PIK3C2A: variants seen among roughly 807,000 people sequenced by gnomAD.
PIK3C2A encodes phosphatidylinositol 4-phosphate 3-kinase C2 domain-containing subunit alpha.
PIK3C2A carries 97 observed loss-of-function variants against 204.5 expected under a neutral mutation model. The ratio of observed to expected loss-of-function variants is 0.47; its 90% CI spans 0.40 to 0.56. PIK3C2A has a LOEUF of 0.56. Ranked by LOEUF, PIK3C2A falls within the 20% of genes least tolerant of loss-of-function variation. The pLI is 0.00. For synonymous variants in PIK3C2A, 653 were observed against 664.4 expected (o/e 0.98, Z 0.26); for missense variants, 1,735 against 1,969.2 (o/e 0.88, Z 2.25).
intron 1 of PIK3C2A, among the ~76,000 whole-genome samples, chr11:17,206,033 G>GA (rs1591037412): frequency 6.6e-6 from 1 of 152,210 alleles, no homozygotes; most frequent in African/African-American, 2.4e-5. Flanking sequence ...TGAGGCAGGA[G>GA]AATCACTTGA....
chr11:17,193,882 GAAAA>G, intron 1 of PIK3C2A: 1 of 200,130 alleles, frequency 5.0e-6, no homozygotes, highest in Admixed American at 6.7e-5. Context: ...GAAAAGAAAA[GAAAA>G]GAAAAGAAAA....
chr11:17,200,031 C>G (rs1270663042), intron 1 of PIK3C2A, among the ~76,000 whole-genome samples: 2 of 150,604 alleles, frequency 1.3e-5, no homozygotes, highest in Non-Finnish European at 3.0e-5. Flanking sequence ...TACAAAAATA[C>G]AAAAATTAGC....
At chr11:17,105,049 T>C (rs1848764077) in intron 23 of PIK3C2A, 120 bp downstream of exon 23, 1 of 714,558 alleles carries the variant, frequency 1.4e-6, no homozygotes, top group Non-Finnish European at 2.4e-6. Context: ...AAAAAGATGC[T>C]CTTTTCCTGA....
Position 17,092,048 on chromosome 11 carries a change from G to T in PIK3C2A, c.4590C>A (p.Phe1530Leu). ...TCTCATCACGAAGTAAAGGGTGGAA[G>T]AAAGTACAAACAAGATCACACTAAG... is the stretch of plus-strand genomic sequence containing the variant. ...DVAECDLVCT[F>L]FHPLLRDEKA... Residue 1530 changes from phenylalanine to leucine, a missense_variant, in exon 30 of 33, where the codon TTC becomes TTA. Physicochemically the swap from Phe to Leu is conservative, Grantham distance 22 (BLOSUM62 0). Coordinates refer to ENST00000691414, the MANE Select transcript of PIK3C2A (RefSeq NM_002645.4). The T allele has an allele frequency of 1.2e-6, 2 of 1,609,894 alleles. No individual in the cohort carries two copies. Among genetic ancestry groups the T allele is most frequent in the Non-Finnish European group, 1.7e-6 (2 of 1,176,222 alleles).
chr11:17,094,184 A>G, intron 28 of PIK3C2A, 77 bp downstream of exon 28: 1 of 1,120,706 alleles, frequency 8.9e-7, no homozygotes. Context: ...CTAAGTGTTA[A>G]CACAAAGCTT....
chr11:17,104,623 G>A (rs1848744566), intron 23 of PIK3C2A, among the ~76,000 whole-genome samples: 3 of 151,534 alleles, frequency 2.0e-5, no homozygotes, highest in Non-Finnish European at 2.9e-5. Context: ...TACTTGGGAG[G>A]CTGAGGCAGG....
At chr11:17,124,162 G>A (rs577691981) in intron 13 of PIK3C2A, among the ~76,000 whole-genome samples, 16 of 152,098 alleles carry the variant, frequency 1.1e-4, no homozygotes, top group South Asian at 2.1e-4. Context: ...CCACCACACC[G>A]GGCTATAGTC....
intron 20 of PIK3C2A, among the ~76,000 whole-genome samples, chr11:17,114,115 A>AT: frequency 6.6e-6 from 1 of 151,560 alleles, no homozygotes; most frequent in Non-Finnish European, 1.5e-5. Context: ...AAATAAATAA[A>AT]AAGGTGAGAC....
chr11:17,145,830 G>A (rs367851352), intron 7 of PIK3C2A, 33 bp downstream of exon 7: 2 of 1,597,004 alleles, frequency 1.3e-6, no homozygotes, highest in Non-Finnish European at 1.7e-6. Flanking sequence ...AACAAAGTCT[G>A]AAAACCTGCA....
chr11:17,132,474 C>T lies in PIK3C2A; in HGVS notation c.2109-436G>A, dbSNP rs987763728. On this transcript the variant is annotated intron_variant, in intron 11 of 32. Transcript: ENST00000691414. ...CCTCCCGAGTAGCTGGGACTACAGG[C>T]GCCCGCCACCGCGCCCGGCTAATTT... Among the ~76,000 whole-genome samples, 29 of 151,316 alleles carry T rather than the reference C, an allele frequency of 1.9e-4. No individual in the cohort carries two copies. The East Asian group carries it at 4.3e-3, about 22-fold the overall frequency.
At position 17,169,792 on chromosome 11, in the gene PIK3C2A, C is replaced by G. The variant is rs139332915; in HGVS notation, c.-51G>C. The stretch of plus-strand genomic sequence containing the variant: ...TTCCTCTATTTTTTTCTTGTAGCTT[C>G]CAAAATAGCAAGGCCTATACATAAA... On this transcript the variant is annotated 5_prime_UTR_variant, in exon 2 of 33. Transcript: ENST00000691414. 1 of 1,248,158 alleles carries G rather than the reference C, an allele frequency of 8.0e-7. No individual in the cohort carries two copies. Among genetic ancestry groups the G allele is most frequent in the East Asian group, 2.3e-5 (1 of 43,186 alleles). 77.3% of individuals were successfully genotyped at this position (1,248,158 alleles called of 1,614,324 possible).
chr11:17,145,270 C>T (rs560904939), intron 8 of PIK3C2A, among the ~76,000 whole-genome samples: 1 of 152,142 alleles, frequency 6.6e-6, no homozygotes, highest in South Asian at 2.1e-4. Flanking sequence ...TATGTCCCCC[C>T]CAAATCTCAC....
chr11:17,121,427 T>C (rs777023634), intron 15 of PIK3C2A, among the ~76,000 whole-genome samples: 1 of 152,138 alleles, frequency 6.6e-6, no homozygotes, highest in Non-Finnish European at 1.5e-5. Flanking sequence ...TCCGAACAGT[T>C]TTTCAATAAT....
In PIK3C2A at chr11:17,117,572, T is replaced by C. The variant is rs1369881612; in HGVS notation, c.3135A>G (p.Glu1045=). The C allele has an allele frequency of 1.9e-6, 3 of 1,613,730 alleles. No homozygotes were observed. The African/African-American group carries it at 4.0e-5, about 22-fold the overall frequency. Reference sequence around the variant, plus strand: ...GTACAAGTTTCGTCTGTTTTAGAAGTTCTTCTCTAAGTCGTTTTCCTCCTA... The same window carrying C: ...GTACAAGTTTCGTCTGTTTTAGAAGCTCTTCTCTAAGTCGTTTTCCTCCTA... ...LSVGGKRLRE[E]LLKQTKLVQL... Residue 1045 remains glutamate, a synonymous_variant, in exon 19 of 33, where the codon GAA becomes GAG. Transcript: ENST00000691414.
intron 1 of PIK3C2A, among the ~76,000 whole-genome samples, chr11:17,204,609 A>C (rs901645780): frequency 2.0e-5 from 3 of 152,098 alleles, no homozygotes; most frequent in African/African-American, 4.8e-5. Flanking sequence ...TGCCCTTATA[A>C]TTATACTGTT....
chr11:17,112,465 T>C, intron 21 of PIK3C2A, 109 bp downstream of exon 21: 1 of 501,584 alleles, frequency 2.0e-6, no homozygotes, highest in Non-Finnish European at 3.5e-6. Context: ...AATAAATAAA[T>C]AAATAATAAA....
At chr11:17,178,114 A>AAAAAAAAAG (rs1851402311) in intron 1 of PIK3C2A, among the ~76,000 whole-genome samples, 20 of 73,230 alleles carry the variant, frequency 2.7e-4, no homozygotes, top group Admixed American at 5.2e-4. Context: ...AAAAAAAAAG[A>AAAAAAAAAG]AAAAAAAAAT....
intron 3 of PIK3C2A, among the ~76,000 whole-genome samples, chr11:17,152,416 TTGAGGTTTTTTTG>T (rs1171092734): frequency 6.6e-6 from 1 of 152,112 alleles, no homozygotes; most frequent in Non-Finnish European, 1.5e-5. Flanking sequence ...TTCCTTACAA[TTGAGGTTTTTTTG>T]TGGGGTTTTT....
chr11:17,161,228 A>C (rs1157073463), intron 2 of PIK3C2A, among the ~76,000 whole-genome samples: 1 of 152,234 alleles, frequency 6.6e-6, no homozygotes, highest in African/African-American at 2.4e-5. Flanking sequence ...AATGCACTTT[A>C]AACATTAAAT....
Sources: allele counts gnomAD v4.1 joint callset (sites outside exome capture counted in the v4.1 genomes callset), GRCh38; gene constraint gnomAD v4.1.1; transcripts MANE v1.5; gene names NCBI Gene and HGNC (gene_info 2026-07-23, HGNC 2026-07-21).